The following ANK2 variants were observed in gnomAD, a reference collection of about 807,000 sequenced individuals.
The protein encoded by ANK2 is ankyrin 2, also known as ankyrin-2.
Under a neutral mutation model 360.5 loss-of-function variants are expected in ANK2, and 83 were observed. That is an observed-to-expected ratio of 0.23 (90% confidence interval 0.19 to 0.28). ANK2 has a LOEUF of 0.28. ANK2 is among the 10% of genes least tolerant of loss of function. ANK2 has a pLI of 1.00. For missense variants in ANK2, 4,201 were observed against 4,795.7 expected, an observed-to-expected ratio of 0.88 and a Z score of 3.66; for synonymous variants, 1,740 against 1,759.5, an observed-to-expected ratio of 0.99 and a Z score of 0.28.
rs29358 is a variant in ANK2 at position 113,288,192 on chromosome 4, C to T, written c.2179-196C>T. Among the ~76,000 whole-genome samples the T allele has an allele frequency of 0.12, 18,893 of 152,144 alleles. 1,227 individuals carry two copies. The highest frequency in any genetic ancestry group is 0.15 in the African/African-American group (6,045 of 41,490). On this transcript the variant is annotated intron_variant, in intron 19 of 45. Coordinates refer to ENST00000357077, the MANE Select transcript of ANK2 (RefSeq NM_001148.6). ...TTAGTTCTTTGCAGATTTTGTCACC[C>T]ACATCTGATCTCTCTTGCTGATATG...
chr4:113,255,583 A>AT (rs1454879552), intron 10 of ANK2, 152 bp from the exon 11 acceptor site: 5 of 744,802 alleles, frequency 6.7e-6, no homozygotes, highest in Non-Finnish European at 1.1e-5. Flanking sequence ...TCTGCGAAAT[A>AT]TAGTCTGCTG....
chr4:113,357,249 A>T lies in ANK2; in HGVS notation c.8631A>T (p.Thr2877=), dbSNP rs374164682. 2.4e-5 allele frequency: 38 copies of T among 1,613,920 alleles called. No homozygotes were observed. In the African/African-American group the frequency reaches 4.7e-4, roughly 20 times the overall value. Residue 2877 remains threonine, a synonymous_variant, in exon 38 of 46, where the codon ACA becomes ACT. Transcript: ENST00000357077. ...ATSSIQKTEV[T]KTDETFENLP... is the part of the protein sequence containing the mutation. ...CTTCTATTCAAAAAACAGAGGTCAC[A>T]AAAACTGATGAAACATTTGAGAACT...
At position 113,136,266 on chromosome 4, in the gene ANK2, C is replaced by T. The variant is rs574357555; in HGVS notation, c.85-38150C>T. Among the ~76,000 whole-genome samples the T allele has an allele frequency of 3.9e-5, 6 of 152,234 alleles. No individual in the cohort carries two copies. In the South Asian group the frequency reaches 1.2e-3, roughly 32 times the overall value. Reference sequence around the variant, plus strand: ...ATGGCTCTGTGTCCACAGCAGGCTCCTAATCTTGTTGGCCAGGCAGGGCTT... The same window carrying T: ...ATGGCTCTGTGTCCACAGCAGGCTCTTAATCTTGTTGGCCAGGCAGGGCTT... On this transcript the variant is annotated intron_variant, in intron 1 of 45. Transcript: ENST00000357077.
the ANK2 span, among the ~76,000 whole-genome samples, chr4:112,727,709 G>A: frequency 6.6e-6 from 1 of 152,086 alleles, no homozygotes; most frequent in African/African-American, 2.4e-5. Flanking sequence ...CTGTAATCCT[G>A]TAATCAGGCC....
chr4:112,996,903 A>G (rs969615315), intron 2 of ANK2, among the ~76,000 whole-genome samples: 8 of 152,058 alleles, frequency 5.3e-5, no homozygotes, highest in African/African-American at 1.4e-4. Flanking sequence ...CCAGCCCCCT[A>G]CTACCTTTCC....
chr4:112,750,047 A>G, the ANK2 span, among the ~76,000 whole-genome samples: 1 of 152,094 alleles, frequency 6.6e-6, no homozygotes, highest in African/African-American at 2.4e-5. Flanking sequence ...CCTGGCATCT[A>G]GCTGTAGGTA....
chr4:113,169,315 C>T (rs1199754633), intron 1 of ANK2, among the ~76,000 whole-genome samples: 1 of 152,106 alleles, frequency 6.6e-6, no homozygotes, highest in Non-Finnish European at 1.5e-5. Flanking sequence ...ATCCTACATG[C>T]CTAGGAAGAG....
chr4:113,211,507 A>C (rs889082013), intron 4 of ANK2, among the ~76,000 whole-genome samples: 1 of 152,198 alleles, frequency 6.6e-6, no homozygotes, highest in Non-Finnish European at 1.5e-5. Flanking sequence ...TGTTTTGACC[A>C]AAAATTGTGG....
intron 26 of ANK2, 32 bp downstream of exon 26, chr4:113,318,652 A>G (rs763076999): frequency 2.6e-6 from 4 of 1,538,768 alleles, no homozygotes; most frequent in African/African-American, 1.4e-5. Context: ...ATCCTGATCA[A>G]GAGGTAAAAA....
At chr4:113,180,235 T>A (rs2098370327) in intron 2 of ANK2, among the ~76,000 whole-genome samples, 1 of 152,154 alleles carries the variant, frequency 6.6e-6, no homozygotes, top group African/African-American at 2.4e-5. Flanking sequence ...GAAACCAAAT[T>A]CTAGTTTTCC....
At chr4:112,842,005 T>C (rs1206223200) in intron 1 of ANK2, among the ~76,000 whole-genome samples, 1 of 152,128 alleles carries the variant, frequency 6.6e-6, no homozygotes, top group Non-Finnish European at 1.5e-5. Flanking sequence ...AATTATTTTC[T>C]TTTTCTTTTC....
rs927057591 is a variant in ANK2 at position 112,947,607 on chromosome 4, C to A, written c.21+43093C>A. Among the ~76,000 whole-genome samples, 4 of 151,092 alleles carry A rather than the reference C, an allele frequency of 2.6e-5. No homozygotes were observed. In the East Asian group the frequency reaches 7.8e-4, roughly 29 times the overall value. ...TACCCAGAGAGCTAGGGGGAAGCAG[C>A]AGAAAGCATGCAGGGCAAAGACTGT... On this transcript the variant is annotated intron_variant, in intron 2 of 30. Coordinates refer to the ANK2 transcript ENST00000503271.
chr4:113,140,467 C>G (rs201195097), intron 1 of ANK2, among the ~76,000 whole-genome samples: 1 of 152,056 alleles, frequency 6.6e-6, no homozygotes, highest in Non-Finnish European at 1.5e-5. Flanking sequence ...CTAAATATCA[C>G]GTTAGGATAG....
intron 1 of ANK2, among the ~76,000 whole-genome samples, chr4:112,861,678 G>C (rs2068060931): frequency 6.6e-6 from 1 of 152,174 alleles, no homozygotes; most frequent in Admixed American, 6.5e-5. Flanking sequence ...GACATAGTTA[G>C]TGTCTCAAGG....
intron 1 of ANK2, among the ~76,000 whole-genome samples, chr4:113,124,297 A>G (rs1049034848): frequency 3.9e-5 from 6 of 152,208 alleles, no homozygotes; most frequent in African/African-American, 1.4e-4. Context: ...TCCTAACACA[A>G]GTCAACAACT....
At chr4:112,882,018 C>G (rs139411947) in intron 1 of ANK2, 283 of 505,312 alleles carry the variant, frequency 5.6e-4, no homozygotes, top group African/African-American at 4.7e-3. Context: ...GTCTACTTAC[C>G]ACACAATCTG....
At position 113,302,828 on chromosome 4, in the gene ANK2, C is replaced by T; in HGVS notation, c.2537C>T (p.Ser846Phe). Residue 846 changes from serine (S) to phenylalanine (F), a missense_variant, in exon 23 of 46, where the codon TCT (serine) becomes TTT (phenylalanine). By Grantham distance (155) the Ser-to-Phe change is radical. Coordinates refer to ENST00000357077, the MANE Select transcript of ANK2 (RefSeq NM_001148.6). ...PETMTEVLDV[S>F]DEEGDDTMTG... ...ACGATGACTGAGGTTCTTGATGTTT[C>T]TGATGAAGAGGGTAAGACTTCTATT... 1 of 1,613,288 alleles carries T rather than the reference C, an allele frequency of 6.2e-7. No individual in the cohort carries two copies. The highest frequency in any genetic ancestry group is 8.5e-7 in the Non-Finnish European group (1 of 1,179,270).
intron 2 of ANK2, among the ~76,000 whole-genome samples, chr4:113,017,560 T>C (rs998566619): frequency 6.6e-6 from 1 of 152,222 alleles, no homozygotes; most frequent in Non-Finnish European, 1.5e-5. Flanking sequence ...TGACTCTCCC[T>C]TTGTGAAGTA....
intron 1 of ANK2, among the ~76,000 whole-genome samples, chr4:113,147,939 G>A (rs548361749): frequency 1.6e-3 from 246 of 152,244 alleles, no homozygotes; most frequent in Middle Eastern, 6.8e-3. Context: ...AATCACAGAG[G>A]GGAAAACTGC....
Sources: gnomAD v4.1 joint callset for allele counts (sites outside exome capture counted in the v4.1 genomes callset) on GRCh38, gnomAD v4.1.1 for gene constraint, MANE v1.5 for transcripts, NCBI Gene and HGNC (gene_info 2026-07-23, HGNC 2026-07-21) for gene names.